CRTC1: variants seen among roughly 807,000 people sequenced by gnomAD.
CRTC1 encodes CREB regulated transcription coactivator 1.
Under a neutral mutation model 66.1 loss-of-function variants are expected in CRTC1, and 18 were observed. That is an observed-to-expected ratio of 0.27 (90% CI 0.19 to 0.40). CRTC1 has a LOEUF of 0.40. CRTC1 is among the 10% of genes least tolerant of loss of function. The probability of loss-of-function intolerance (pLI) is 1.00; values close to 1 mark genes in which losing one functional copy is unlikely to be tolerated. For synonymous variants in CRTC1, 416 were observed against 398.8 expected (o/e 1.04, Z -0.51); for missense variants, 669 against 887.9 (o/e 0.75, Z 3.13).
In CRTC1 at chr19:18,765,385, C is replaced by A; in HGVS notation, c.887-19C>A. 1.2e-6 allele frequency: 2 copies of A among 1,602,050 alleles called. No homozygotes were observed. Among genetic ancestry groups the A allele is most frequent in the East Asian group, 4.5e-5 (2 of 44,538 alleles). The stretch of plus-strand genomic sequence containing the variant: ...ATCAGTCTCACACCTGCTCTCCCTC[C>A]CTCCTACTTCCTCTCTAGGAATGAG... On this transcript the variant is annotated intron_variant, in intron 8 of 13. Coordinates refer to ENST00000321949, the MANE Select transcript of CRTC1 (RefSeq NM_015321.3).
In CRTC1 at chr19:18,782,264, G is replaced by T. The variant is rs1373360171; in HGVS notation, c.*4882G>T. ...GCCGTCCCTGCCCCATCCTCTGGCA[G>T]GGCTGCTTTTGTCTTTGTACCTTTG... is the stretch of plus-strand genomic sequence containing the variant. On this transcript the variant is annotated 3_prime_UTR_variant, in exon 14 of 14. Transcript: ENST00000321949. The T allele has an allele frequency of 4.5e-6, 1 of 223,686 alleles. No homozygotes were observed. The highest frequency in any genetic ancestry group is 8.9e-6 in the Non-Finnish European group (1 of 112,002). The allele number at this position is 223,686 out of a possible 1,614,324, so 13.9% of individuals were successfully genotyped here.
chr19:18,773,732 C>T (rs1284509281), intron 11 of CRTC1, among the ~76,000 whole-genome samples: 1 of 152,184 alleles, frequency 6.6e-6, no homozygotes, highest in Non-Finnish European at 1.5e-5. Flanking sequence ...CTTGGGTCAC[C>T]TTTTTACCTC....
At chr19:18,736,761 C>T (rs1287104371) in intron 1 of CRTC1, among the ~76,000 whole-genome samples, 2 of 150,328 alleles carry the variant, frequency 1.3e-5, no homozygotes, top group Non-Finnish European at 2.9e-5. Context: ...CCTCCCTGGC[C>T]CCCCCACAGG....
rs936307666 is a variant in CRTC1, at chr19:18,781,099, G to A, written c.*3717G>A. On this transcript the variant is annotated 3_prime_UTR_variant, in exon 14 of 14. Coordinates refer to ENST00000321949, the MANE Select transcript of CRTC1 (RefSeq NM_015321.3). ...TGGGTCCCGATGGAGCCGTCTCAGA[G>A]GCCGAGGGGCCCTCTGTGTGGGGGT... The A allele has an allele frequency of 4.0e-5, 9 of 227,728 alleles. No homozygotes were observed. Among genetic ancestry groups the A allele is most frequent in the South Asian group, 1.8e-4 (1 of 5,506 alleles). The allele number at this position is 227,728 out of a possible 1,614,324, so 14.1% of individuals were successfully genotyped here. A position where few individuals can be genotyped will look rare whatever the true frequency, so the allele number is the denominator to read the frequency against.
Position 18,741,287 on chromosome 19 carries a change from GCCT to G in CRTC1, c.127-1619_127-1617del, listed in dbSNP as rs1378600747. Among the ~76,000 whole-genome samples the G allele has an allele frequency of 6.6e-6, 1 of 152,220 alleles. No individual in the cohort carries two copies. Among genetic ancestry groups the G allele is most frequent in the Non-Finnish European group, 1.5e-5 (1 of 68,038 alleles). ...AGGGAGTTCTTGCCCCTGATGTCTG[GCCT>G]CCTGGGAGCTGGCAGCTCAGCCCGT... is the stretch of plus-strand genomic sequence containing the variant. On this transcript the variant is annotated intron_variant, in intron 1 of 13. Coordinates refer to ENST00000321949, the MANE Select transcript of CRTC1 (RefSeq NM_015321.3). This position sits in a 1 kb window ranked among gnomAD's most constrained non-coding sequence, Gnocchi z 4.2.
At position 18,777,595 on chromosome 19, in the gene CRTC1, A is replaced by AGGGCT. The variant is rs2055022068; in HGVS notation, c.*222_*226dup. The AGGGCT allele has an allele frequency of 4.1e-6, 2 of 491,948 alleles. No individual in the cohort carries two copies. The highest frequency in any genetic ancestry group is 3.6e-6 in the Non-Finnish European group (1 of 281,090). 30.5% of individuals were successfully genotyped at this position (491,948 alleles called of 1,614,324 possible). A position where few individuals can be genotyped will look rare whatever the true frequency, so the allele number is the denominator to read the frequency against. On this transcript the variant is annotated 3_prime_UTR_variant, in exon 14 of 14. Transcript: ENST00000321949. The surrounding 1 kb of genome is among the most constrained non-coding windows in gnomAD (Gnocchi z 5.5). ...GGGCCGTCCACCCACCCGCCCGCCC[A>AGGGCT]GGGCTGGGCTGGGATCGGAGGCCGT...
chr19:18,693,760 G>T (rs8102070), intron 1 of CRTC1, among the ~76,000 whole-genome samples: 9 of 151,676 alleles, frequency 5.9e-5, no homozygotes, highest in Admixed American at 5.2e-4. Context: ...GATTACAGGC[G>T]TGAGCCACCA....
At chr19:18,774,257 CA>C (rs1036801412) in intron 11 of CRTC1, among the ~76,000 whole-genome samples, 13 of 152,188 alleles carry the variant, frequency 8.5e-5, no homozygotes, top group African/African-American at 3.1e-4. Context: ...CTCCACCACC[CA>C]TAAGGTCCCC....
chr19:18,693,871 C>T (rs1195145385), intron 1 of CRTC1, among the ~76,000 whole-genome samples: 1 of 151,954 alleles, frequency 6.6e-6, no homozygotes, highest in East Asian at 1.9e-4. Flanking sequence ...CAGTGGCTCA[C>T]ACCTGTCATC....
chr19:18,689,335 A>C (rs1053709919), intron 1 of CRTC1, among the ~76,000 whole-genome samples: 1 of 150,826 alleles, frequency 6.6e-6, no homozygotes, highest in Non-Finnish European at 1.5e-5. Flanking sequence ...ATCCTGCACC[A>C]TGAAGCCTTT....
intron 1 of CRTC1, among the ~76,000 whole-genome samples, chr19:18,696,169 C>A (rs548076739): frequency 6.6e-6 from 1 of 152,204 alleles, no homozygotes; most frequent in South Asian, 2.1e-4. Flanking sequence ...AGGCTGCCAT[C>A]TGACCCAGGT....
intron 11 of CRTC1, among the ~76,000 whole-genome samples, chr19:18,772,241 C>T (rs144328324): frequency 5.9e-5 from 9 of 152,342 alleles, no homozygotes; most frequent in Non-Finnish European, 1.3e-4. Context: ...GTGGAAGCGG[C>T]CAGCCTGGCT....
intron 9 of CRTC1, among the ~76,000 whole-genome samples, chr19:18,766,024 T>C (rs928567264): frequency 1.3e-5 from 2 of 152,210 alleles, no homozygotes; most frequent in African/African-American, 2.4e-5. Flanking sequence ...TTTGCTTGTC[T>C]ACTTTTTTGG....
At chr19:18,728,270 C>A (rs2053805549) in intron 1 of CRTC1, among the ~76,000 whole-genome samples, 1 of 152,176 alleles carries the variant, frequency 6.6e-6, no homozygotes, top group Admixed American at 6.5e-5. Flanking sequence ...GCCTCTCCAC[C>A]CCCTTATGTT....
At chr19:18,745,735 G>A (rs1349418102) in intron 2 of CRTC1, 88 bp from the exon 3 acceptor site, 3 of 1,553,172 alleles carry the variant, frequency 1.9e-6, no homozygotes, top group South Asian at 1.1e-5. Flanking sequence ...GGGGCCCTGC[G>A]ATCAGACTCT....
intron 1 of CRTC1, among the ~76,000 whole-genome samples, chr19:18,687,513 C>T (rs2052712878): frequency 2.0e-5 from 3 of 152,158 alleles, no homozygotes; most frequent in South Asian, 2.1e-4. Flanking sequence ...GTGGCATGTC[C>T]GCCGTGCCTG....
chr19:18,761,977 A>G (rs1226407785), intron 8 of CRTC1, among the ~76,000 whole-genome samples: 1 of 152,174 alleles, frequency 6.6e-6, no homozygotes, highest in Non-Finnish European at 1.5e-5. Flanking sequence ...CAGAAAACAC[A>G]GCCGATTCGG....
chr19:18,772,496 C>T (rs998966214), intron 11 of CRTC1, among the ~76,000 whole-genome samples: 3 of 152,188 alleles, frequency 2.0e-5, no homozygotes, highest in African/African-American at 7.2e-5. Flanking sequence ...CTGAAGCCAT[C>T]CCTGTCCCCT....
intron 6 of CRTC1, among the ~76,000 whole-genome samples, chr19:18,759,039 A>G (rs2054554978): frequency 6.6e-6 from 1 of 152,134 alleles, no homozygotes; most frequent in Non-Finnish European, 1.5e-5. Context: ...CGCTTTACAC[A>G]AAATTTAAAA....
Sources: allele counts gnomAD v4.1 joint callset (sites outside exome capture counted in the v4.1 genomes callset), GRCh38; gene constraint gnomAD v4.1.1; non-coding constraint Gnocchi (gnomAD v3.1); transcripts MANE v1.5; gene names NCBI Gene and HGNC (gene_info 2026-07-23, HGNC 2026-07-21).